Variants in IGF1R observed in about 807,000 individuals in gnomAD.
IGF1R encodes the protein insulin-like growth factor 1 receptor.
In IGF1R, 44 loss-of-function variants were observed where a neutral mutation model predicts 144.6. That is an observed-to-expected ratio of 0.30 (90% CI 0.24 to 0.39). The LOEUF (loss-of-function observed/expected upper bound fraction) is 0.39. IGF1R is among the 10% of genes least tolerant of loss of function. The pLI, the probability that IGF1R is intolerant of heterozygous loss-of-function variation, is 1.00. For missense variants in IGF1R, 1,355 were observed against 1,833.7 expected (o/e 0.74, Z 4.77); for synonymous variants, 795 against 722.8 (o/e 1.10, Z -1.60).
intron 2 of IGF1R, among the ~76,000 whole-genome samples, chr15:98,712,550 G>A (rs1421396754): frequency 6.6e-6 from 1 of 151,578 alleles, no homozygotes; most frequent in Non-Finnish European, 1.5e-5. Context: ...CAGTGACATA[G>A]CCTCTCTCCT....
chr15:98,939,482 C>T (rs1258969471), intron 18 of IGF1R, 122 bp downstream of exon 18: 8 of 918,344 alleles, frequency 8.7e-6, no homozygotes, highest in Non-Finnish European at 1.4e-5. Flanking sequence ...CGGACTCCTT[C>T]TTGGGAATGA....
intron 2 of IGF1R, among the ~76,000 whole-genome samples, chr15:98,715,853 G>T (rs991779858): frequency 6.6e-6 from 1 of 152,212 alleles, no homozygotes; most frequent in African/African-American, 2.4e-5. Context: ...AGGGAGGCTG[G>T]TGGGTGGGAG....
chr15:98,661,221 T>A (rs1036568700), intron 1 of IGF1R, among the ~76,000 whole-genome samples: 1 of 152,176 alleles, frequency 6.6e-6, no homozygotes, highest in Non-Finnish European at 1.5e-5. Context: ...AGTAGCAAGG[T>A]CTTACAGGTC....
chr15:98,951,492 T>C (rs2016772460), intron 20 of IGF1R, among the ~76,000 whole-genome samples: 1 of 152,228 alleles, frequency 6.6e-6, no homozygotes, highest in African/African-American at 2.4e-5. Flanking sequence ...ACCTACTAGT[T>C]AAGAGCAACA....
intron 20 of IGF1R, among the ~76,000 whole-genome samples, chr15:98,951,014 G>A (rs1416372475): frequency 6.6e-6 from 1 of 152,240 alleles, no homozygotes. Flanking sequence ...CTGTGCTCTG[G>A]GAGTACGTTG....
chr15:98,715,080 C>T (rs901931771), intron 2 of IGF1R, among the ~76,000 whole-genome samples: 7 of 152,194 alleles, frequency 4.6e-5, no homozygotes, highest in African/African-American at 1.7e-4. Context: ...CAGCTGCTCC[C>T]AGTGTGGGGG....
chr15:98,695,648 A>G (rs886212108), intron 1 of IGF1R, among the ~76,000 whole-genome samples: 2 of 152,148 alleles, frequency 1.3e-5, no homozygotes, highest in African/African-American at 4.8e-5. Flanking sequence ...GGCTTACACA[A>G]TCTCAGAAAT....
chr15:98,908,950 A>G (rs2151670528), intron 6 of IGF1R, 51 bp downstream of exon 6: 1 of 1,512,132 alleles, frequency 6.6e-7, no homozygotes, highest in East Asian at 2.3e-5. Context: ...TGATAACAGC[A>G]GACCCTCCTC....
chr15:98,711,241 C>T (rs1248053213), intron 2 of IGF1R, among the ~76,000 whole-genome samples: 2 of 152,264 alleles, frequency 1.3e-5, no homozygotes, highest in South Asian at 2.1e-4. Context: ...GATGGCCATT[C>T]GAAAACATTA....
intron 1 of IGF1R, among the ~76,000 whole-genome samples, chr15:98,669,242 A>T (rs999175558): frequency 4.6e-5 from 7 of 152,114 alleles, no homozygotes; most frequent in African/African-American, 1.7e-4. Flanking sequence ...GCTCTCTGAA[A>T]CCTGCGCAAG....
intron 2 of IGF1R, among the ~76,000 whole-genome samples, chr15:98,754,828 A>T (rs1442456439): frequency 6.6e-6 from 1 of 152,210 alleles, no homozygotes; most frequent in African/African-American, 2.4e-5. Context: ...AGGCTCCTAG[A>T]GACTAAAGAA....
chr15:98,949,488 C>G (rs144086141), intron 20 of IGF1R, among the ~76,000 whole-genome samples: 55 of 151,230 alleles, frequency 3.6e-4, no homozygotes, highest in African/African-American at 1.2e-3. Flanking sequence ...AAGCAATTCT[C>G]CTGCCTCACC....
intron 13 of IGF1R, among the ~76,000 whole-genome samples, chr15:98,928,899 T>A (rs534931663): frequency 6.6e-6 from 1 of 152,180 alleles, no homozygotes; most frequent in East Asian, 1.9e-4. Context: ...AGGGGTGCCG[T>A]CCAGTGTGTG....
chr15:98,816,782 A>G (rs1211698762), intron 2 of IGF1R, among the ~76,000 whole-genome samples: 1 of 152,182 alleles, frequency 6.6e-6, no homozygotes, highest in Admixed American at 6.5e-5. Flanking sequence ...TGCCACAAAC[A>G]TGGCAGCTTT....
intron 1 of IGF1R, among the ~76,000 whole-genome samples, chr15:98,699,942 G>C (rs1184685210): frequency 6.6e-6 from 1 of 152,134 alleles, no homozygotes; most frequent in Non-Finnish European, 1.5e-5. Flanking sequence ...GTGTTAGGTG[G>C]CCAGGATTGC....
At chr15:98,803,835 G>A (rs2056414570) in intron 2 of IGF1R, among the ~76,000 whole-genome samples, 2 of 152,090 alleles carry the variant, frequency 1.3e-5, no homozygotes, top group African/African-American at 2.4e-5. Flanking sequence ...AGTAGAAGGT[G>A]TACACTCTTA....
chr15:98,843,628 T>A (rs1369710594), intron 2 of IGF1R, among the ~76,000 whole-genome samples: 1 of 152,188 alleles, frequency 6.6e-6, no homozygotes, highest in Non-Finnish European at 1.5e-5. Context: ...TTCTTCCTTC[T>A]TACCTTGATC....
chr15:98,821,310 A>G (rs1441502431), intron 2 of IGF1R, among the ~76,000 whole-genome samples: 1 of 146,844 alleles, frequency 6.8e-6, no homozygotes, highest in Non-Finnish European at 1.5e-5. Flanking sequence ...AACTGATTTT[A>G]CCATCACTCT....
chr15:98,866,160 T>C (rs953564755), intron 2 of IGF1R, among the ~76,000 whole-genome samples: 2 of 152,208 alleles, frequency 1.3e-5, no homozygotes, highest in African/African-American at 2.4e-5. Context: ...GAGCACCCCA[T>C]GACTCAGAGC....
Sources: gnomAD v4.1 joint callset for allele counts (sites outside exome capture counted in the v4.1 genomes callset) on GRCh38, gnomAD v4.1.1 for gene constraint, MANE v1.5 for transcripts, NCBI Gene and HGNC (gene_info 2026-07-23, HGNC 2026-07-21) for gene names.